MAEL: variants seen among roughly 807,000 people sequenced by gnomAD.
MAEL encodes the protein maelstrom spermatogenic transposon silencer.
MAEL carries 46 observed loss-of-function variants against 62.0 expected under a neutral mutation model. That is an observed-to-expected ratio of 0.74 (90% confidence interval 0.59 to 0.95). The LOEUF is 0.95. Among genes scored for constraint, MAEL ranks in the 40% least tolerant of loss-of-function variants. The probability of loss-of-function intolerance (pLI) is 0.00; values close to 1 mark genes in which losing one functional copy is unlikely to be tolerated. For synonymous variants in MAEL, 172 were observed against 175.5 expected (o/e 0.98, Z 0.16); for missense variants, 497 against 526.8 (o/e 0.94, Z 0.55).
intron 8 of MAEL, chr1:167,005,965 G>A (rs56053487): frequency 0.056 from 8,522 of 152,078 alleles, 474 homozygotes; most frequent in African/African-American, 0.15. Context: ...TTTAGTCTAC[G>A]GCCATAGCAC....
intron 8 of MAEL, among the ~76,000 whole-genome samples, chr1:167,010,388 TG>T (rs1487380376): frequency 6.6e-6 from 1 of 151,310 alleles, no homozygotes; most frequent in Non-Finnish European, 1.5e-5. Flanking sequence ...TTTTGGGGGG[TG>T]GGGGTATGAG....
intron 6 of MAEL, among the ~76,000 whole-genome samples, chr1:167,004,724 G>C (rs1055774540): frequency 6.6e-6 from 1 of 152,078 alleles, no homozygotes; most frequent in African/African-American, 2.4e-5. Context: ...TCCAGGCTTG[G>C]AGTTGAAAAG....
intron 9 of MAEL, among the ~76,000 whole-genome samples, chr1:167,016,562 T>A (rs998460582): frequency 1.3e-5 from 2 of 152,166 alleles, no homozygotes; most frequent in African/African-American, 4.8e-5. Flanking sequence ...ATAACCACTA[T>A]GGGGAACAGT....
chr1:166,989,241 G>A (rs987671019), upstream of MAEL: 4 of 1,383,116 alleles, frequency 2.9e-6, no homozygotes, highest in Non-Finnish European at 3.9e-6. Flanking sequence ...CTGATTGGCC[G>A]AGAGTTGCGG....
chr1:167,004,056 G>A lies in MAEL; in HGVS notation c.524-124G>A, dbSNP rs550011474. ...ATATGTAAAATCCTTAACAAAAACG[G>A]GGCTTTGTACAAGTACTTAACTGTG... On this transcript the variant is annotated intron_variant, in intron 5 of 11. Coordinates refer to ENST00000367872, the MANE Select transcript of MAEL (RefSeq NM_032858.3). 10 of 751,254 alleles carry A rather than the reference G, an allele frequency of 1.3e-5. No individual in the cohort carries two copies. The African/African-American group carries it at 1.8e-4, about 13-fold the overall frequency. The allele number at this position is 751,254 out of a possible 1,614,324, so 46.5% of individuals were successfully genotyped here. A position where few individuals can be genotyped will look rare whatever the true frequency, so the allele number is the denominator to read the frequency against.
At chr1:167,004,088 C>T in intron 5 of MAEL, 92 bp from the exon 6 acceptor site, 1 of 1,091,360 alleles carries the variant, frequency 9.2e-7, no homozygotes, top group Non-Finnish European at 1.3e-6. Flanking sequence ...TGTGTGTTAC[C>T]CACTACTCTC....
At chr1:167,012,807 G>C (rs1389854280) in intron 8 of MAEL, among the ~76,000 whole-genome samples, 4 of 152,136 alleles carry the variant, frequency 2.6e-5, no homozygotes, top group Admixed American at 1.3e-4. Flanking sequence ...GTAAAGGCTT[G>C]GTGTTTGCTA....
chr1:167,005,229 A>G (rs1381161491), intron 7 of MAEL, 27 bp from the exon 8 acceptor site: 1 of 1,611,594 alleles, frequency 6.2e-7, no homozygotes, highest in Admixed American at 1.7e-5. Context: ...TACTAATTGT[A>G]TGTGTTTTTC....
chr1:166,994,535 C>A (rs992463723), intron 5 of MAEL, among the ~76,000 whole-genome samples: 1 of 152,086 alleles, frequency 6.6e-6, no homozygotes, highest in African/African-American at 2.4e-5. Context: ...GAACTAAACC[C>A]TTTTTCTGGG....
rs200229017 is a variant in MAEL, at chr1:166,989,307, C to G, written c.-46C>G. 6.3e-5 allele frequency: 100 copies of G among 1,582,234 alleles called. No homozygotes were observed. Among genetic ancestry groups the G allele is most frequent in the South Asian group, 1.7e-4 (15 of 86,986 alleles). On this transcript the variant is annotated 5_prime_UTR_variant, in exon 1 of 12. Transcript: ENST00000367872. ...TTAGGGCGGGAGCCCGGCGAGGGCG[C>G]CGGTGCTTTGTTCTGTCTGAGGCCA...
intron 5 of MAEL, among the ~76,000 whole-genome samples, chr1:166,995,644 C>G (rs1449221225): frequency 1.3e-5 from 2 of 149,732 alleles, no homozygotes; most frequent in Admixed American, 6.7e-5. Context: ...CCAACTGTTA[C>G]ATCATCTGAG....
In MAEL at chr1:167,021,780, C is replaced by T. The variant is rs1665641748; in HGVS notation, c.1230C>T (p.Phe410=). ...ISNSSSNIHK[F]SNCDTSLSPY... Reference sequence around the variant, plus strand: ...ATTCTTCCAGCAATATCCACAAATTCTCCAACTGTGACACTTCACTCTCAC... The same window carrying T: ...ATTCTTCCAGCAATATCCACAAATTTTCCAACTGTGACACTTCACTCTCAC... Residue 410 remains phenylalanine, a synonymous_variant, in exon 12 of 12, where the codon TTC becomes TTT. Coordinates refer to ENST00000367872, the MANE Select transcript of MAEL (RefSeq NM_032858.3). 3 of 1,612,896 alleles carry T rather than the reference C, an allele frequency of 1.9e-6. No individual in the cohort carries two copies. Among genetic ancestry groups the T allele is most frequent in the African/African-American group, 2.7e-5 (2 of 74,888 alleles).
rs548565224 is a variant in MAEL at position 166,991,540 on chromosome 1, A to G, written c.325+63A>G. ...GAGTGCCCAAAACACTATATTTGTCAGTAAAAATATTTTCTGTTCATTTTG... is the reference window on the plus strand; with the variant it reads ...GAGTGCCCAAAACACTATATTTGTCGGTAAAAATATTTTCTGTTCATTTTG... On this transcript the variant is annotated intron_variant, in intron 3 of 11. Transcript: ENST00000367872. 969 of 960,868 alleles carry G rather than the reference A, an allele frequency of 1.0e-3. 2 individuals are homozygous for G. Among genetic ancestry groups the G allele is most frequent in the Middle Eastern group, 0.01 (35 of 3,478 alleles). The allele number at this position is 960,868 out of a possible 1,614,324, so 59.5% of individuals were successfully genotyped here.
At chr1:166,991,186 T>C (rs1571242889) in intron 2 of MAEL, among the ~76,000 whole-genome samples, 192 bp from the exon 3 acceptor site, 1 of 152,214 alleles carries the variant, frequency 6.6e-6, no homozygotes, top group Admixed American at 6.5e-5. Flanking sequence ...CCACTCCCCT[T>C]CTGATTCAGA....
chr1:167,010,222 A>G (rs763028676), intron 8 of MAEL, among the ~76,000 whole-genome samples: 4 of 152,064 alleles, frequency 2.6e-5, no homozygotes, highest in Non-Finnish European at 5.9e-5. Context: ...TGCCTTTCCC[A>G]TGATTATAAA....
chr1:167,009,806 G>C (rs950914213), intron 8 of MAEL, among the ~76,000 whole-genome samples: 1 of 151,888 alleles, frequency 6.6e-6, no homozygotes, highest in Non-Finnish European at 1.5e-5. Flanking sequence ...TCAGCCTTGG[G>C]CAGTTGGTAA....
chr1:166,978,762 T>C (rs1037228812), intron 1 of MAEL, among the ~76,000 whole-genome samples: 2 of 152,244 alleles, frequency 1.3e-5, no homozygotes, highest in Admixed American at 1.3e-4. Flanking sequence ...CAGTTGTTCA[T>C]TCATTCTGAC....
upstream of MAEL, among the ~76,000 whole-genome samples, chr1:166,985,495 C>T (rs1663885419): frequency 6.6e-6 from 1 of 152,182 alleles, no homozygotes; most frequent in African/African-American, 2.4e-5. Flanking sequence ...TTTATATTCC[C>T]ATCAGCCAAA....
rs1190281959 is a variant in MAEL at position 166,992,700 on chromosome 1, A to C, written c.340A>C (p.Ile114Leu). The C allele has an allele frequency of 6.3e-7, 1 of 1,589,668 alleles. No individual in the cohort carries two copies. The highest frequency in any genetic ancestry group is 2.3e-5 in the East Asian group (1 of 44,046). The change falls in exon 4 of 12, where the codon ATT becomes CTT. Residue 114 changes from isoleucine to leucine, a missense_variant. Transcript: ENST00000367872. Reference sequence around the variant, plus strand: ...TTTTTTTTTAGCTCTCCTTGGAGGCATTTTTTATTTTTTGAACATTTTTAG... The same window carrying C: ...TTTTTTTTTAGCTCTCCTTGGAGGCCTTTTTTATTTTTTGAACATTTTTAG... ...LKGDQALLGG[I>L]FYFLNIFSHG...
Sources: allele counts gnomAD v4.1 joint callset (sites outside exome capture counted in the v4.1 genomes callset), GRCh38; gene constraint gnomAD v4.1.1; transcripts MANE v1.5; gene names NCBI Gene and HGNC (gene_info 2026-07-23, HGNC 2026-07-21).